Variants in PDE8B observed in about 807,000 individuals in gnomAD.
PDE8B encodes phosphodiesterase 8B, also known as high affinity cAMP-specific and IBMX-insensitive 3',5'-cyclic phosphodiesterase 8B.
A neutral mutation model predicts 101.3 loss-of-function variants in PDE8B; 26 were observed. The observed-to-expected ratio is 0.26, with a 90% CI of 0.19 to 0.36. The LOEUF (loss-of-function observed/expected upper bound fraction) is 0.36, where lower values mean the gene tolerates loss of function less well. Ranked by LOEUF, PDE8B falls within the 10% of genes least tolerant of loss-of-function variation. PDE8B has a pLI of 1.00. For missense variants in PDE8B, 810 were observed against 1,163.1 expected, an observed-to-expected ratio of 0.70 and a Z score of 4.42; for synonymous variants, 424 against 429.3, an observed-to-expected ratio of 0.99 and a Z score of 0.15.
At chr5:77,367,002 C>T (rs1470469027) in intron 10 of PDE8B, among the ~76,000 whole-genome samples, 1 of 152,042 alleles carries the variant, frequency 6.6e-6, no homozygotes, top group Non-Finnish European at 1.5e-5. Flanking sequence ...GGGGTCCAGG[C>T]CCCTTGGGGC....
chr5:77,417,163 G>A (rs747237671), intron 17 of PDE8B, among the ~76,000 whole-genome samples: 5 of 152,082 alleles, frequency 3.3e-5, no homozygotes, highest in Non-Finnish European at 7.4e-5. Flanking sequence ...CAGTTGCACT[G>A]GCTACCTTTC....
chr5:77,090,802 T>A, the PDE8B span, among the ~76,000 whole-genome samples: 2 of 152,206 alleles, frequency 1.3e-5, no homozygotes, highest in African/African-American at 2.4e-5. Flanking sequence ...TTTCTTTTTT[T>A]ATTCATCAGT....
intron 10 of PDE8B, among the ~76,000 whole-genome samples, chr5:77,360,226 G>T (rs1296203672): frequency 6.6e-6 from 1 of 151,612 alleles, no homozygotes; most frequent in Non-Finnish European, 1.5e-5. Context: ...TTAAAGAGGA[G>T]TATTATGTTG....
intron 1 of PDE8B, among the ~76,000 whole-genome samples, chr5:77,305,540 A>C (rs533175119): frequency 2.6e-5 from 4 of 152,292 alleles, no homozygotes; most frequent in Admixed American, 2.6e-4. Context: ...GGGATGGGAC[A>C]GAGTTTCCCA....
chr5:77,400,864 C>T (rs889585070), intron 11 of PDE8B, among the ~76,000 whole-genome samples: 4 of 128,962 alleles, frequency 3.1e-5, no homozygotes, highest in Non-Finnish European at 6.7e-5. Context: ...ATTCTCTGAC[C>T]ATTAGAGGGA....
At chr5:77,398,597 A>G (rs1047936986) in intron 10 of PDE8B, among the ~76,000 whole-genome samples, 2 of 152,118 alleles carry the variant, frequency 1.3e-5, no homozygotes, top group Non-Finnish European at 2.9e-5. Flanking sequence ...CTGGGATTAC[A>G]GGAGTGAGCC....
intron 10 of PDE8B, among the ~76,000 whole-genome samples, chr5:77,372,046 A>G (rs62364319): frequency 3.2e-4 from 48 of 152,168 alleles, no homozygotes; most frequent in Non-Finnish European, 6.6e-4. Flanking sequence ...CTAAAAATAC[A>G]AAAATTAGCC....
intron 1 of PDE8B, among the ~76,000 whole-genome samples, chr5:77,302,587 C>T (rs887915394): frequency 6.6e-6 from 1 of 152,216 alleles, no homozygotes; most frequent in East Asian, 1.9e-4. Context: ...CATTGTTTCT[C>T]AGCCAGATCT....
chr5:77,299,136 G>A (rs4704402), intron 1 of PDE8B, among the ~76,000 whole-genome samples: 58,883 of 152,006 alleles, frequency 0.39, 11,989 homozygotes, highest in East Asian at 0.58. Flanking sequence ...CCCAAGGCCC[G>A]TAAGAAATAG....
chr5:77,180,819 C>G, the PDE8B span, among the ~76,000 whole-genome samples: 1 of 152,234 alleles, frequency 6.6e-6, no homozygotes, highest in Non-Finnish European at 1.5e-5. Flanking sequence ...GCCGGCTCCT[C>G]GGGCTGCTGT....
chr5:77,351,082 C>T lies in PDE8B; in HGVS notation c.1035C>T (p.Tyr345=). The T allele has an allele frequency of 6.2e-7, 1 of 1,613,920 alleles. No homozygotes were observed. The highest frequency in any genetic ancestry group is 8.5e-7 in the Non-Finnish European group (1 of 1,179,782). ...CCATGTAGGAGTGGCAGGGGGTTTA[C>T]TATGCCAGACGGAAATCCGGGGACA... is the stretch of plus-strand genomic sequence containing the variant. ...IKKGKEWQGV[Y]YARRKSGDSI... Residue 345 remains tyrosine, a synonymous_variant, in exon 9 of 22, where the codon TAC becomes TAT. Coordinates refer to ENST00000264917, the MANE Select transcript of PDE8B (RefSeq NM_003719.5).
chr5:77,411,748 G>A (rs946914472), intron 15 of PDE8B, 27 bp downstream of exon 15: 8 of 1,540,536 alleles, frequency 5.2e-6, no homozygotes, highest in Non-Finnish European at 7.2e-6. Context: ...TTACTTGTTA[G>A]TGTAACCTGT....
chr5:77,391,400 G>A (rs1465087852), intron 10 of PDE8B, among the ~76,000 whole-genome samples: 1 of 152,200 alleles, frequency 6.6e-6, no homozygotes, highest in Admixed American at 6.5e-5. Flanking sequence ...AAGAGTCTCT[G>A]CTTGTAGAGC....
intron 8 of PDE8B, 125 bp downstream of exon 8, chr5:77,349,684 T>C: frequency 9.0e-7 from 1 of 1,115,922 alleles, no homozygotes; most frequent in Non-Finnish European, 1.3e-6. Context: ...AAAGATCTAT[T>C]ATGTTTGCAA....
chr5:77,307,924 C>T (rs1356254395), intron 1 of PDE8B, among the ~76,000 whole-genome samples: 4 of 152,214 alleles, frequency 2.6e-5, no homozygotes, highest in Non-Finnish European at 2.9e-5. Context: ...AGAGCTAATA[C>T]ACTAATTGAA....
intron 1 of PDE8B, among the ~76,000 whole-genome samples, chr5:77,252,647 C>T (rs971428791): frequency 6.6e-6 from 1 of 152,106 alleles, no homozygotes; most frequent in African/African-American, 2.4e-5. Context: ...CTTTTTCTGC[C>T]CATTTCCCTT....
Position 77,270,047 on chromosome 5 carries a change from G to A in PDE8B, c.340-41947G>A, listed in dbSNP as rs1173769172. Among the ~76,000 whole-genome samples the A allele has an allele frequency of 2.0e-5, 3 of 152,156 alleles. No individual in the cohort carries two copies. In the East Asian group the frequency reaches 5.8e-4, roughly 29 times the overall value. On this transcript the variant is annotated intron_variant, in intron 1 of 21. Transcript: ENST00000264917. ...TTTTGCTAGGGATTGCATTGAATCT[G>A]TAGATTGCTTTGGGTAGTATGGACG...
the PDE8B span, among the ~76,000 whole-genome samples, chr5:77,137,803 G>A: frequency 6.6e-6 from 1 of 152,274 alleles, no homozygotes; most frequent in South Asian, 2.1e-4. Flanking sequence ...AATGGCTACA[G>A]ATTGATCATC....
chr5:77,275,595 C>G (rs1237392562), intron 1 of PDE8B, among the ~76,000 whole-genome samples: 1 of 152,144 alleles, frequency 6.6e-6, no homozygotes, highest in Non-Finnish European at 1.5e-5. Flanking sequence ...AAAATACAAC[C>G]AAAGACTCAA....
Sources: gnomAD v4.1 joint callset for allele counts (sites outside exome capture counted in the v4.1 genomes callset) on GRCh38, gnomAD v4.1.1 for gene constraint, MANE v1.5 for transcripts, NCBI Gene and HGNC (gene_info 2026-07-23, HGNC 2026-07-21) for gene names.